MDFIC2: variants seen among roughly 807,000 people sequenced by gnomAD.
The protein encoded by MDFIC2 is MyoD family inhibitor domain containing 2.
intron 2 of MDFIC2, among the ~76,000 whole-genome samples, chr3:70,215,075 C>A (rs1175424302): frequency 6.6e-6 from 1 of 152,020 alleles, no homozygotes; most frequent in Non-Finnish European, 1.5e-5. Context: ...TCAAAATATT[C>A]TCTATTATGT....
At chr3:70,284,479 A>G (rs533708003) in intron 2 of MDFIC2, among the ~76,000 whole-genome samples, 7 of 152,324 alleles carry the variant, frequency 4.6e-5, no homozygotes, top group Admixed American at 6.5e-5. Flanking sequence ...CTCACACAGC[A>G]AAGACATGGC....
chr3:70,217,137 T>A (rs1319974948), intron 2 of MDFIC2, among the ~76,000 whole-genome samples: 1 of 152,106 alleles, frequency 6.6e-6, no homozygotes, highest in Non-Finnish European at 1.5e-5. Context: ...TAATGAAAGT[T>A]TGTCTGTGTC....
rs1196239719 is a variant in MDFIC2 at position 70,250,580 on chromosome 3, G to C, written c.89-43790C>G. On this transcript the variant is annotated intron_variant, in intron 2 of 3. Transcript: ENST00000567252. ...ATTAAACTATTCGGGTGGAAAAATA[G>C]TCTCTGAGCAGCCAGTTTGGCAAAG... 3.3e-5 allele frequency among the ~76,000 whole-genome samples: 5 copies of C among 152,084 alleles called. No homozygotes were observed. In the East Asian group the frequency reaches 7.7e-4, roughly 23 times the overall value.
chr3:70,278,173 G>T (rs1016053545), intron 2 of MDFIC2, among the ~76,000 whole-genome samples: 9 of 151,958 alleles, frequency 5.9e-5, no homozygotes, highest in African/African-American at 1.9e-4. Flanking sequence ...ATATAAATGG[G>T]CTCATAGTGT....
rs568697450 is a variant in MDFIC2 at position 70,268,404 on chromosome 3, G to T, written c.88+43482C>A. On this transcript the variant is annotated intron_variant, in intron 2 of 3. Transcript: ENST00000567252. ...GCAGGAGAATCACTTGAACCCGGGA[G>T]GCGGAGGTGGCAGTGAGCAGAGATC... is the stretch of plus-strand genomic sequence containing the variant. 4.0e-5 allele frequency among the ~76,000 whole-genome samples: 6 copies of T among 151,326 alleles called. No individual in the cohort carries two copies. The East Asian group carries it at 9.7e-4, about 25-fold the overall frequency.
intron 2 of MDFIC2, among the ~76,000 whole-genome samples, chr3:70,301,133 T>G (rs567206193): frequency 5.3e-5 from 8 of 152,256 alleles, no homozygotes; most frequent in South Asian, 4.1e-4. Context: ...ACAAAAGTTC[T>G]TTTCTTCTGA....
At chr3:70,267,187 T>C (rs953871922) in intron 2 of MDFIC2, among the ~76,000 whole-genome samples, 50 of 152,122 alleles carry the variant, frequency 3.3e-4, no homozygotes, top group African/African-American at 1.2e-3. Flanking sequence ...ATTTTATACT[T>C]AATTCCCCCT....
rs11917439 is a variant in MDFIC2, at chr3:70,235,975, G to T, written c.89-29185C>A. Reference sequence around the variant, plus strand: ...CATCATGATTCTGTCTTCAAAACCTGCACAGGATTTGTCACAAGGTGCTTG... The same window carrying T: ...CATCATGATTCTGTCTTCAAAACCTTCACAGGATTTGTCACAAGGTGCTTG... On this transcript the variant is annotated intron_variant, in intron 2 of 3. Coordinates refer to ENST00000567252, the MANE Select transcript of MDFIC2 (RefSeq NM_001364677.1). Among the ~76,000 whole-genome samples the T allele has an allele frequency of 5.9e-3, 901 of 152,178 alleles. 9 individuals carry two copies. Among genetic ancestry groups the T allele is most frequent in the African/African-American group, 0.021 (857 of 41,498 alleles).
intron 3 of MDFIC2, among the ~76,000 whole-genome samples, chr3:70,199,819 C>T (rs983896526): frequency 2.0e-5 from 3 of 152,152 alleles, no homozygotes; most frequent in Non-Finnish European, 2.9e-5. Context: ...TCCCAGGATT[C>T]GCACCCCTTC....
chr3:70,201,218 C>T (rs1701234844), intron 3 of MDFIC2, among the ~76,000 whole-genome samples: 1 of 151,974 alleles, frequency 6.6e-6, no homozygotes, highest in African/African-American at 2.4e-5. Flanking sequence ...CTCCAATAAG[C>T]CCCATTGTGT....
chr3:70,196,519 C>T lies in MDFIC2; in HGVS notation c.*407G>A, dbSNP rs1013403045. Among the ~76,000 whole-genome samples, 7 of 152,198 alleles carry T rather than the reference C, an allele frequency of 4.6e-5. No individual in the cohort carries two copies. The highest frequency in any genetic ancestry group is 1.3e-4 in the Admixed American group (2 of 15,290). On this transcript the variant is annotated 3_prime_UTR_variant, in exon 4 of 4. Coordinates refer to ENST00000567252, the MANE Select transcript of MDFIC2 (RefSeq NM_001364677.1). Reference sequence around the variant, plus strand: ...TTTATGCATGAGTCCATTAGAAAGACGAGCTAATGTATGTCAATTCTAAAA... The same window carrying T: ...TTTATGCATGAGTCCATTAGAAAGATGAGCTAATGTATGTCAATTCTAAAA...
Position 70,196,975 on chromosome 3 carries a change from C to T in MDFIC2, c.521G>A (p.Ser174Asn). The T allele has an allele frequency of 2.5e-6, 1 of 398,578 alleles. No homozygotes were observed. The highest frequency in any genetic ancestry group is 4.4e-6 in the Non-Finnish European group (1 of 226,032). 24.7% of individuals were successfully genotyped at this position (398,578 alleles called of 1,614,324 possible). ...CTCCATGGCCAGTTCCAGACACTCGCTGGTCTCATGGCAAGATTCAAAAAG... is the reference window on the plus strand; with the variant it reads ...CTCCATGGCCAGTTCCAGACACTCGTTGGTCTCATGGCAAGATTCAAAAAG... ...CSLFESCHET[S>N]ECLELAMEIS... The change falls in exon 4 of 4, where the codon AGC (serine) becomes AAC (asparagine). Residue 174 changes from serine (S) to asparagine (N), a missense_variant. Physicochemically the swap from Ser to Asn is conservative, Grantham distance 46. Coordinates refer to ENST00000567252, the MANE Select transcript of MDFIC2 (RefSeq NM_001364677.1).
At chr3:70,224,394 C>T (rs570682738) in intron 2 of MDFIC2, among the ~76,000 whole-genome samples, 2 of 152,146 alleles carry the variant, frequency 1.3e-5, no homozygotes, top group African/African-American at 2.4e-5. Flanking sequence ...ATTATGTTCT[C>T]CTACCTATTC....
chr3:70,268,982 C>T (rs1351667963), intron 2 of MDFIC2, among the ~76,000 whole-genome samples: 1 of 151,910 alleles, frequency 6.6e-6, no homozygotes, highest in East Asian at 1.9e-4. Context: ...TCTTAACCTT[C>T]TTGTATATTA....
At chr3:70,283,992 T>A (rs545759242) in intron 2 of MDFIC2, 2 of 152,246 alleles carry the variant, frequency 1.3e-5, no homozygotes, top group Non-Finnish European at 2.9e-5. Flanking sequence ...CCTACTGTCA[T>A]ACAGAAGGGG....
intron 2 of MDFIC2, among the ~76,000 whole-genome samples, chr3:70,262,760 A>G (rs1701878899): frequency 6.6e-6 from 1 of 152,046 alleles, no homozygotes; most frequent in Non-Finnish European, 1.5e-5. Context: ...TCAAATTTGG[A>G]AGATCTTTAG....
chr3:70,214,656 G>T (rs1294768142), intron 2 of MDFIC2, among the ~76,000 whole-genome samples: 13 of 141,714 alleles, frequency 9.2e-5, no homozygotes, highest in Non-Finnish European at 2.0e-4. Flanking sequence ...TCAGTTTTCT[G>T]CCCGCCACTA....
At chr3:70,232,542 G>A (rs1701570465) in intron 2 of MDFIC2, among the ~76,000 whole-genome samples, 1 of 152,006 alleles carries the variant, frequency 6.6e-6, no homozygotes, top group Non-Finnish European at 1.5e-5. Context: ...TGGGATTACA[G>A]GTGCCCGCCA....
intron 2 of MDFIC2, among the ~76,000 whole-genome samples, chr3:70,229,994 A>C (rs564551958): frequency 4.6e-5 from 7 of 152,324 alleles, no homozygotes; most frequent in Admixed American, 1.3e-4. Flanking sequence ...TGTACAAAGT[A>C]TAATATATTA....
Sources: gnomAD v4.1 joint callset for allele counts (sites outside exome capture counted in the v4.1 genomes callset) on GRCh38, gnomAD v4.1.1 for gene constraint, MANE v1.5 for transcripts, NCBI Gene and HGNC (gene_info 2026-07-23, HGNC 2026-07-21) for gene names.